MFSD12: variants seen among roughly 807,000 people sequenced by gnomAD.
The protein encoded by MFSD12 is major facilitator superfamily domain-containing protein 12.
MFSD12 carries 67 observed loss-of-function variants against 51.2 expected under a neutral mutation model. The ratio of observed to expected loss-of-function variants is 1.31; its 90% CI spans 1.08 to 1.60. MFSD12 has a LOEUF of 1.60. Ranked by LOEUF, MFSD12 falls within the 40% of genes most tolerant of loss-of-function variation. MFSD12 has a pLI of 0.00. For missense variants in MFSD12, 921 were observed against 673.0 expected (o/e 1.37, Z -4.08); for synonymous variants, 441 against 316.7 (o/e 1.39, Z -4.17).
At chr19:3,539,489 C>G, downstream of MFSD12, 2 of 536,446 alleles carry the variant, frequency 3.7e-6, no homozygotes, top group Non-Finnish European at 6.7e-6. Context: ...TGTCTGCGGC[C>G]GTCTCCAAGG....
intron 1 of MFSD12, among the ~76,000 whole-genome samples, chr19:3,556,790 G>T (rs1292988370): frequency 1.4e-5 from 2 of 144,312 alleles, no homozygotes; most frequent in African/African-American, 4.9e-5. Context: ...TCCCAGGCAG[G>T]CAGAGAGAGG....
At chr19:3,538,625 T>C (rs934779644) in exon 5 of MFSD12, 1 of 462,482 alleles carries the variant, frequency 2.2e-6, no homozygotes, top group South Asian at 1.6e-5. Flanking sequence ...TCGCACCTCC[T>C]TGTGGCTGAG....
chr19:3,557,495 AC>A lies in MFSD12; in HGVS notation c.-93del. On this transcript the variant is annotated 5_prime_UTR_variant, in exon 1 of 10. Coordinates refer to ENST00000355415, the MANE Select transcript of MFSD12 (RefSeq NM_174983.5). ...GGTGCCGTGGGGGCAGGCGCCGGGG[AC>A]CCCCACCACGCGCCGGGCACCCCGC... 1.3e-6 allele frequency: 1 copy of A among 781,010 alleles called. No homozygotes were observed. The highest frequency in any genetic ancestry group is 1.6e-6 in the Non-Finnish European group (1 of 606,980). 48.4% of individuals were successfully genotyped at this position (781,010 alleles called of 1,614,324 possible).
intron 8 of MFSD12, among the ~76,000 whole-genome samples, chr19:3,545,706 T>G (rs2030953513): frequency 6.6e-6 from 1 of 152,238 alleles, no homozygotes; most frequent in Admixed American, 6.5e-5. Flanking sequence ...CGGCTGTGGT[T>G]TCCAGGCCCT....
In MFSD12 at chr19:3,557,293, G is replaced by C; in HGVS notation, c.111C>G (p.Ser37=). 6.3e-7 allele frequency: 1 copy of C among 1,595,568 alleles called. No individual in the cohort carries two copies. The highest frequency in any genetic ancestry group is 1.1e-5 in the South Asian group (1 of 88,202). ...AGAGCAGCAGGTAGGTGAACCACATGGACGCGCACAGGTCGTTGAGGAAGT... is the reference window on the plus strand; with the variant it reads ...AGAGCAGCAGGTAGGTGAACCACATCGACGCGCACAGGTCGTTGAGGAAGT... ...VGHFLNDLCA[S]MWFTYLLLYL... The change falls in exon 1 of 10, where the codon TCC becomes TCG. Residue 37 remains serine (S), a synonymous_variant. Transcript: ENST00000355415.
At chr19:3,545,020 C>T (rs1189152462) in intron 8 of MFSD12, 81 bp from the exon 9 acceptor site, 2 of 1,495,158 alleles carry the variant, frequency 1.3e-6, no homozygotes, top group Non-Finnish European at 1.8e-6. Flanking sequence ...CCTCCCCTCA[C>T]CCCCGACAGC....
intron 6 of MFSD12, among the ~76,000 whole-genome samples, chr19:3,547,016 CTT>C (rs1165552807): frequency 6.6e-6 from 1 of 152,124 alleles, no homozygotes; most frequent in East Asian, 1.9e-4. Context: ...GTTTTTGTAT[CTT>C]TAGTAGAGAC....
At chr19:3,550,927 C>G in intron 2 of MFSD12, 57 bp downstream of exon 2, 1 of 1,474,300 alleles carries the variant, frequency 6.8e-7, no homozygotes, top group Non-Finnish European at 9.4e-7. Context: ...GTGCCACTGA[C>G]TGATACACCG....
Position 3,551,197 on chromosome 19 carries a change from G to A in MFSD12, c.299-3C>T, listed in dbSNP as rs374403980. The A allele has an allele frequency of 6.3e-7, 1 of 1,597,650 alleles. No individual in the cohort carries two copies. The highest frequency in any genetic ancestry group is 1.3e-5 in the African/African-American group (1 of 74,774). On this transcript the variant is annotated splice_region_variant and splice_polypyrimidine_tract_variant and intron_variant, in intron 1 of 9. Transcript: ENST00000355415. This position sits in a 1 kb window ranked among gnomAD's most constrained non-coding sequence, Gnocchi z 4.6. ...GGACAGCAGGACGCAGACGGTGCCTGTGGAAGGCAGAGTGGTCAGTCGCGG... is the reference window on the plus strand; with the variant it reads ...GGACAGCAGGACGCAGACGGTGCCTATGGAAGGCAGAGTGGTCAGTCGCGG...
intron 2 of MFSD12, among the ~76,000 whole-genome samples, chr19:3,549,883 A>T (rs932807179): frequency 1.3e-5 from 2 of 151,650 alleles, no homozygotes; most frequent in African/African-American, 2.4e-5. Context: ...ATACAAAAAA[A>T]AAATTAGCCG....
In MFSD12 at chr19:3,557,487, C is replaced by T. The variant is rs2031797166; in HGVS notation, c.-84G>A. The T allele has an allele frequency of 7.9e-6, 7 of 883,288 alleles. No individual in the cohort carries two copies. Among genetic ancestry groups the T allele is most frequent in the Non-Finnish European group, 8.6e-6 (6 of 696,198 alleles). The allele number at this position is 883,288 out of a possible 1,614,324, so 54.7% of individuals were successfully genotyped here. The stretch of plus-strand genomic sequence containing the variant: ...CCTTCTTGGGTGCCGTGGGGGCAGG[C>T]GCCGGGGACCCCCACCACGCGCCGG... On this transcript the variant is annotated 5_prime_UTR_variant, in exon 1 of 10. Coordinates refer to ENST00000355415, the MANE Select transcript of MFSD12 (RefSeq NM_174983.5).
intron 2 of MFSD12, 119 bp downstream of exon 2, chr19:3,550,865 A>G: frequency 1.2e-6 from 1 of 821,390 alleles, no homozygotes; most frequent in Non-Finnish European, 1.9e-6. Context: ...AAAAATAAAC[A>G]TGAAAGACTG....
At chr19:3,548,714 A>G (rs1421333504) in intron 2 of MFSD12, among the ~76,000 whole-genome samples, 2 of 152,126 alleles carry the variant, frequency 1.3e-5, no homozygotes, top group African/African-American at 4.8e-5. Context: ...CCTACCATGA[A>G]TCAGTCTCTC....
downstream of MFSD12, chr19:3,543,822 C>T (rs567147428): frequency 5.3e-6 from 8 of 1,520,892 alleles, no homozygotes; most frequent in African/African-American, 1.1e-4. Flanking sequence ...CCGAGTCCCA[C>T]CTACAGTGCT....
chr19:3,544,321 C>T lies in MFSD12; in HGVS notation c.*389G>A. 1 of 1,273,408 alleles carries T rather than the reference C, an allele frequency of 7.9e-7. No individual in the cohort carries two copies. The highest frequency in any genetic ancestry group is 9.9e-7 in the Non-Finnish European group (1 of 1,009,626). 78.9% of individuals were successfully genotyped at this position (1,273,408 alleles called of 1,614,324 possible). Reference sequence around the variant, plus strand: ...CGTGGCTGTCTCCTCCAGGCTCCAGCCGTCCTGAGGGGGCCCTGGCAGTGT... The same window carrying T: ...CGTGGCTGTCTCCTCCAGGCTCCAGTCGTCCTGAGGGGGCCCTGGCAGTGT... On this transcript the variant is annotated 3_prime_UTR_variant, in exon 10 of 10. Transcript: ENST00000355415.
rs771508475 is a variant in MFSD12 at position 3,546,255 on chromosome 19, C to T, written c.1194G>A (p.Thr398=). 4.0e-5 allele frequency: 65 copies of T among 1,610,076 alleles called. No individual in the cohort carries two copies. Among genetic ancestry groups the T allele is most frequent in the Non-Finnish European group, 4.6e-5 (54 of 1,178,590 alleles). The change falls in exon 7 of 10, where the codon ACG becomes ACA. Residue 398 remains threonine (T), a splice_region_variant and synonymous_variant. Transcript: ENST00000355415. ...AMTADLIGPH[T]NSGAFVYGSM... is the part of the protein sequence containing the mutation. ...ACCCCAGCCTGGCTACCAGCCCTAC[C>T]GTGTGGGGACCGATGAGGTCGGCCG... is the stretch of plus-strand genomic sequence containing the variant.
In MFSD12 at chr19:3,544,852, C is replaced by T; in HGVS notation, c.1377G>A (p.Leu459=). Residue 459 remains leucine (L), a synonymous_variant, in exon 9 of 10, where the codon CTG becomes CTA. Transcript: ENST00000355415. The stretch of plus-strand genomic sequence containing the variant: ...GCCACAGCAGGAGGCTACAGAGACA[C>T]AGGGCAGCGGCCACGCCCACGCCGC... ...VTGGVGVAAA[L]CLCSLLLWPT... is the part of the protein sequence containing the mutation. 6 of 1,612,224 alleles carry T rather than the reference C, an allele frequency of 3.7e-6. No individual in the cohort carries two copies. The highest frequency in any genetic ancestry group is 3.3e-5 in the South Asian group (3 of 91,058).
intron 1 of MFSD12, among the ~76,000 whole-genome samples, chr19:3,553,534 C>T (rs1302877776): frequency 6.7e-6 from 1 of 149,830 alleles, no homozygotes; most frequent in Non-Finnish European, 1.5e-5. Context: ...TTTGGGAGAC[C>T]GAGGCGGGTG....
In MFSD12 at chr19:3,546,076, G is replaced by A. The variant is rs748233649; in HGVS notation, c.1287C>T (p.Cys429=). ...AATGAACGAACAGCGGCACTCACGGGCAAGGGTGCAGGCTCTGGATGGCCA... is the reference window on the plus strand; with the variant it reads ...AATGAACGAACAGCGGCACTCACGGACAAGGGTGCAGGCTCTGGATGGCCA... ...AVMAIQSLHP[C]PSELCCRACV... The change falls in exon 8 of 10, where the codon TGC becomes TGT. Residue 429 remains cysteine (C), a splice_region_variant and synonymous_variant. Coordinates refer to ENST00000355415, the MANE Select transcript of MFSD12 (RefSeq NM_174983.5). 1 of 1,613,228 alleles carries A rather than the reference G, an allele frequency of 6.2e-7. No homozygotes were observed. The highest frequency in any genetic ancestry group is 1.7e-5 in the Admixed American group (1 of 60,022).
Sources: allele counts gnomAD v4.1 joint callset (sites outside exome capture counted in the v4.1 genomes callset), GRCh38; gene constraint gnomAD v4.1.1; non-coding constraint Gnocchi (gnomAD v3.1); transcripts MANE v1.5; gene names NCBI Gene and HGNC (gene_info 2026-07-23, HGNC 2026-07-21).